The following ERMP1 variants were observed in gnomAD, a reference collection of about 807,000 sequenced individuals.
The protein encoded by ERMP1 is endoplasmic reticulum metallopeptidase 1.
A neutral mutation model predicts 92.0 loss-of-function variants in ERMP1; 86 were observed. The observed-to-expected ratio is 0.93, with a 90% confidence interval of 0.79 to 1.12. The LOEUF (loss-of-function observed/expected upper bound fraction) is 1.12. ERMP1 is among the 50% of genes most tolerant of loss of function. The probability of loss-of-function intolerance (pLI) is 0.00; values close to 1 mark genes in which losing one functional copy is unlikely to be tolerated. For missense variants in ERMP1, 1,342 were observed against 1,116.3 expected (o/e 1.20, Z -2.88); for synonymous variants, 530 against 412.8 (o/e 1.28, Z -3.44).
intron 13 of ERMP1, among the ~76,000 whole-genome samples, chr9:5,794,867 A>T (rs1310517494): frequency 6.6e-6 from 1 of 152,218 alleles, no homozygotes; most frequent in Non-Finnish European, 1.5e-5. Flanking sequence ...TTTTCAGAAG[A>T]CAGAAGCAGA....
At chr9:5,856,510 C>A in intron 6 of ERMP1, 1 of 166,968 alleles carries the variant, frequency 6.0e-6, no homozygotes. Flanking sequence ...TGGCCCCAAC[C>A]TCTGGCACCC....
At chr9:5,847,859 T>C (rs1218290927) in intron 6 of ERMP1, among the ~76,000 whole-genome samples, 1 of 149,496 alleles carries the variant, frequency 6.7e-6, no homozygotes, top group Non-Finnish European at 1.5e-5. Flanking sequence ...GGCACCGCTG[T>C]ACTCCAGCCC....
In ERMP1 at chr9:5,832,824, C is replaced by A. The variant is rs1435858980; in HGVS notation, c.204G>T (p.Leu68=). The change falls in exon 1 of 15, where the codon CTG becomes CTT. Residue 68 remains leucine (L), a synonymous_variant. Transcript: ENST00000339450. ...GCCCCAGCGCGGCGCGCACCTCAGA[C>A]AGCCCGGTCCCCGCGCCCCTGCTCG... is the stretch of plus-strand genomic sequence containing the variant. ...GGASRGAGTG[L]SEVRAALGLA... is the part of the protein sequence containing the mutation. 3.3e-6 allele frequency: 5 copies of A among 1,502,008 alleles called. No individual in the cohort carries two copies. Among genetic ancestry groups the A allele is most frequent in the Non-Finnish European group, 4.4e-6 (5 of 1,133,706 alleles). 93.0% of individuals were successfully genotyped at this position (1,502,008 alleles called of 1,614,324 possible).
intron 5 of ERMP1, among the ~76,000 whole-genome samples, chr9:5,865,721 C>A: frequency 6.7e-6 from 1 of 149,574 alleles, no homozygotes; most frequent in African/African-American, 2.5e-5. Flanking sequence ...GCCTGTAATC[C>A]CAGCTACTCG....
chr9:5,848,804 G>A (rs934917882), intron 6 of ERMP1, among the ~76,000 whole-genome samples: 5 of 152,172 alleles, frequency 3.3e-5, no homozygotes, highest in African/African-American at 1.2e-4. Context: ...AATTATTAGT[G>A]AGGCTAGTTG....
upstream of ERMP1, among the ~76,000 whole-genome samples, chr9:5,834,993 G>C (rs1322203141): frequency 1.3e-5 from 2 of 148,250 alleles, no homozygotes; most frequent in Non-Finnish European, 1.5e-5. Context: ...GTGTGTGTGT[G>C]TGTGTGTGTG....
chr9:5,787,114 T>C lies in ERMP1; in HGVS notation c.*30A>G. The C allele has an allele frequency of 6.3e-7, 1 of 1,591,748 alleles. No individual in the cohort carries two copies. The highest frequency in any genetic ancestry group is 8.6e-7 in the Non-Finnish European group (1 of 1,167,452). ...AAACCATGTCACATGGAGTATCCACTGGGCATGTACTTAGAGCTCATCCAC... is the reference window on the plus strand; with the variant it reads ...AAACCATGTCACATGGAGTATCCACCGGGCATGTACTTAGAGCTCATCCAC... On this transcript the variant is annotated 3_prime_UTR_variant, in exon 15 of 15. Coordinates refer to ENST00000339450, the MANE Select transcript of ERMP1 (RefSeq NM_024896.3).
At chr9:5,824,613 G>A (rs1488249893) in intron 3 of ERMP1, among the ~76,000 whole-genome samples, 1 of 152,098 alleles carries the variant, frequency 6.6e-6, no homozygotes, top group East Asian at 1.9e-4. Flanking sequence ...ATGTTGGCCA[G>A]GCTGGTCTCA....
In ERMP1 at chr9:5,818,663, T is replaced by C. The variant is rs76078731; in HGVS notation, c.874+5233A>G. Among the ~76,000 whole-genome samples, 902 of 150,876 alleles carry C rather than the reference T, an allele frequency of 6.0e-3. 9 individuals carry two copies. The highest frequency in any genetic ancestry group is 0.021 in the African/African-American group (862 of 40,958). On this transcript the variant is annotated intron_variant, in intron 4 of 14. Coordinates refer to ENST00000339450, the MANE Select transcript of ERMP1 (RefSeq NM_024896.3). ...CCAGGAGCTGGAAACCAGTGAGCCATGACTGCTCCACCACATTCCAGCCTG... is the reference window on the plus strand; with the variant it reads ...CCAGGAGCTGGAAACCAGTGAGCCACGACTGCTCCACCACATTCCAGCCTG...
At position 5,805,150 on chromosome 9, in the gene ERMP1, G is replaced by A; in HGVS notation, c.1791C>T (p.Tyr597=). 1 of 1,613,188 alleles carries A rather than the reference G, an allele frequency of 6.2e-7. No individual in the cohort carries two copies. The highest frequency in any genetic ancestry group is 8.5e-7 in the Non-Finnish European group (1 of 1,179,682). ...GMFIPYLYAL[Y]LIWAVFEMFT... ...ACATCTCAAATACTGCCCAGATGAG[G>A]TACAATGCATAAAGATAAGGAATAA... The change falls in exon 10 of 15, where the codon TAC becomes TAT. Residue 597 remains tyrosine, a synonymous_variant. Transcript: ENST00000339450.
intron 5 of ERMP1, among the ~76,000 whole-genome samples, chr9:5,861,175 G>C (rs1402922222): frequency 1.7e-5 from 2 of 119,506 alleles, no homozygotes; most frequent in African/African-American, 6.7e-5. Flanking sequence ...TAGGGGGTGT[G>C]TGTGTGTGTG....
chr9:5,856,025 T>C (rs1830369224), intron 6 of ERMP1: 2 of 342,070 alleles, frequency 5.8e-6, no homozygotes, highest in African/African-American at 2.2e-5. Flanking sequence ...ACCAGGTGGA[T>C]TGAAGCCCAG....
At chr9:5,818,713 A>G (rs77459856) in intron 4 of ERMP1, among the ~76,000 whole-genome samples, 31 of 142,804 alleles carry the variant, frequency 2.2e-4, no homozygotes, top group African/African-American at 7.8e-4. Context: ...ATCCTATCTC[A>G]AAAAAAAAAA....
At chr9:5,825,352 A>T (rs747706257) in intron 2 of ERMP1, 133 bp from the exon 3 acceptor site, 1 of 843,742 alleles carries the variant, frequency 1.2e-6, no homozygotes, top group Non-Finnish European at 1.8e-6. Flanking sequence ...TAGCTCTGTC[A>T]TCATCAGGTG....
intron 6 of ERMP1, among the ~76,000 whole-genome samples, chr9:5,842,375 A>G (rs1479439250): frequency 6.7e-6 from 1 of 150,216 alleles, no homozygotes; most frequent in Non-Finnish European, 1.5e-5. Context: ...CCAGAAGCCC[A>G]ACCGGCTTCA....
chr9:5,807,898 T>C lies in ERMP1; in HGVS notation c.1548+2113A>G, dbSNP rs78233017. Among the ~76,000 whole-genome samples the C allele has an allele frequency of 7.3e-3, 1,105 of 152,334 alleles. 17 individuals are homozygous for C. Among genetic ancestry groups the C allele is most frequent in the African/African-American group, 0.024 (1,009 of 41,590 alleles). On this transcript the variant is annotated intron_variant, in intron 8 of 14. Transcript: ENST00000339450. ...TCATCCCACAATATATTGCAATTAT[T>C]ATCATTCCCACACCTTCCCAAACGA...
intron 10 of ERMP1, among the ~76,000 whole-genome samples, chr9:5,804,032 T>A (rs751625655): frequency 3.9e-5 from 6 of 152,162 alleles, no homozygotes; most frequent in Non-Finnish European, 7.3e-5. Context: ...TTTCCTTACC[T>A]GCTGTCTTTA....
At chr9:5,825,033 G>C (rs1829682522) in intron 3 of ERMP1, 59 bp downstream of exon 3, 5 of 1,486,778 alleles carry the variant, frequency 3.4e-6, no homozygotes, top group Non-Finnish European at 3.7e-6. Flanking sequence ...ATAATATTTA[G>C]CTATTATTAT....
chr9:5,831,322 C>CCG lies in ERMP1; in HGVS notation c.339-295_339-294insCG, dbSNP rs1829930764. Among the ~76,000 whole-genome samples, 4 of 152,160 alleles carry CCG rather than the reference C, an allele frequency of 2.6e-5. No homozygotes were observed. The East Asian group carries it at 7.7e-4, about 29-fold the overall frequency. On this transcript the variant is annotated intron_variant, in intron 1 of 14. Transcript: ENST00000339450. ...GGGATGTATTCAAAACGTGTGACCA[C>CCG]TGGCCAGGCACGGTGGCTCACGCCT... is the stretch of plus-strand genomic sequence containing the variant.
Sources: gnomAD v4.1 joint callset for allele counts (sites outside exome capture counted in the v4.1 genomes callset) on GRCh38, gnomAD v4.1.1 for gene constraint, MANE v1.5 for transcripts, NCBI Gene and HGNC (gene_info 2026-07-23, HGNC 2026-07-21) for gene names.